The following ESR1 variants were observed in gnomAD, a reference collection of about 807,000 sequenced individuals.
ESR1 encodes estrogen receptor 1.
Under a neutral mutation model 52.7 loss-of-function variants are expected in ESR1, and 12 were observed. The ratio of observed to expected loss-of-function variants is 0.23; its 90% CI spans 0.15 to 0.37. The LOEUF (loss-of-function observed/expected upper bound fraction) is 0.37, where lower values mean the gene tolerates loss of function less well. ESR1 is among the 10% of genes least tolerant of loss of function. The pLI, the probability that ESR1 is intolerant of heterozygous loss-of-function variation, is 1.00. For synonymous variants in ESR1, 305 were observed against 316.8 expected (o/e 0.96, Z 0.39); for missense variants, 584 against 779.7 (o/e 0.75, Z 2.99).
At chr6:152,008,696 A>G (rs1184505490) in intron 4 of ESR1, among the ~76,000 whole-genome samples, 2 of 151,992 alleles carry the variant, frequency 1.3e-5, no homozygotes, top group Admixed American at 6.6e-5. Flanking sequence ...TTTGAGGTTT[A>G]TTTAGGGTGT....
At chr6:152,004,750 ATACACAGTGC>A (rs1200259039) in intron 4 of ESR1, among the ~76,000 whole-genome samples, 1 of 152,032 alleles carries the variant, frequency 6.6e-6, no homozygotes, top group Non-Finnish European at 1.5e-5. Flanking sequence ...ACATAAAGTA[ATACACAGTGC>A]TGTTATCAGA....
chr6:151,795,894 A>T (rs781677746), intron 2 of ESR1, among the ~76,000 whole-genome samples: 12 of 152,266 alleles, frequency 7.9e-5, no homozygotes, highest in South Asian at 2.1e-4. Context: ...TCACGCCTGT[A>T]ATCCAGCACT....
intron 3 of ESR1, among the ~76,000 whole-genome samples, chr6:151,913,780 T>A (rs949505385): frequency 2.6e-5 from 4 of 152,216 alleles, no homozygotes; most frequent in Non-Finnish European, 5.9e-5. Context: ...TCAGATCTTT[T>A]TTTTAATGTA....
At chr6:152,107,147 T>C (rs995181537), downstream of ESR1, among the ~76,000 whole-genome samples, 1 of 152,198 alleles carries the variant, frequency 6.6e-6, no homozygotes, top group Admixed American at 6.5e-5. Context: ...TCATCAAACT[T>C]GGGAAGTTTT....
intron 2 of ESR1, among the ~76,000 whole-genome samples, chr6:151,714,992 A>G (rs969830904): frequency 2.0e-5 from 3 of 152,004 alleles, no homozygotes; most frequent in Non-Finnish European, 4.4e-5. Context: ...ACCTTTCCAT[A>G]TTTAGTGTTT....
intron 2 of ESR1, among the ~76,000 whole-genome samples, chr6:151,851,183 T>C (rs1786630879): frequency 6.6e-6 from 1 of 152,194 alleles, no homozygotes; most frequent in South Asian, 2.1e-4. Context: ...CTTGTTCTTC[T>C]ACAAATATGA....
intron 2 of ESR1, among the ~76,000 whole-genome samples, chr6:151,736,141 C>T (rs1562366499): frequency 6.6e-6 from 1 of 152,126 alleles, no homozygotes; most frequent in African/African-American, 2.4e-5. Context: ...GGCTCTTTAC[C>T]TTTTTAAACT....
intron 3 of ESR1, among the ~76,000 whole-genome samples, chr6:151,928,541 T>C (rs2033106941): frequency 6.6e-6 from 1 of 152,160 alleles, no homozygotes; most frequent in Admixed American, 6.5e-5. Flanking sequence ...AAAAAAATAA[T>C]AAATCAAACC....
intron 5 of ESR1, among the ~76,000 whole-genome samples, chr6:152,050,876 A>G (rs1344242230): frequency 1.3e-5 from 2 of 152,228 alleles, no homozygotes; most frequent in Non-Finnish European, 2.9e-5. Flanking sequence ...CAGCTGTTTA[A>G]TATTGTCAAT....
intron 2 of ESR1, among the ~76,000 whole-genome samples, chr6:151,878,390 T>A (rs538102392): frequency 1.3e-5 from 2 of 152,340 alleles, no homozygotes; most frequent in South Asian, 4.1e-4. Context: ...TGCTGACTAG[T>A]TTGCTGGTTT....
chr6:152,100,925 A>G lies in ESR1; in HGVS notation c.*1959A>G, dbSNP rs2050944134. The G allele has an allele frequency of 4.3e-6, 1 of 230,288 alleles. No homozygotes were observed. 14.3% of individuals were successfully genotyped at this position (230,288 alleles called of 1,614,324 possible). A position where few individuals can be genotyped will look rare whatever the true frequency, so the allele number is the denominator to read the frequency against. On this transcript the variant is annotated 3_prime_UTR_variant, in exon 8 of 8. Transcript: ENST00000206249. Reference sequence around the variant, plus strand: ...AGAAGCACCTTATATAGTATAATATATATTTTTTTGAAATTACATTGCTTG... The same window carrying G: ...AGAAGCACCTTATATAGTATAATATGTATTTTTTTGAAATTACATTGCTTG...
chr6:152,012,858 T>C (rs1446090724), intron 5 of ESR1, among the ~76,000 whole-genome samples: 18 of 152,222 alleles, frequency 1.2e-4, no homozygotes, highest in Admixed American at 1.2e-3. Context: ...CATCTCTGCA[T>C]GGTACTTTAC....
intron 3 of ESR1, among the ~76,000 whole-genome samples, chr6:151,928,347 T>C (rs1197530604): frequency 6.6e-6 from 1 of 152,114 alleles, no homozygotes; most frequent in East Asian, 1.9e-4. Flanking sequence ...AAACACACTA[T>C]AGAGTATTGA....
intron 2 of ESR1, among the ~76,000 whole-genome samples, chr6:151,772,342 A>G (rs1222600162): frequency 2.0e-5 from 3 of 152,182 alleles, no homozygotes; most frequent in Non-Finnish European, 4.4e-5. Context: ...TCTTGATTAC[A>G]CCATAAAACA....
At chr6:151,790,389 A>G (rs1776037506) in intron 2 of ESR1, among the ~76,000 whole-genome samples, 1 of 152,166 alleles carries the variant, frequency 6.6e-6, no homozygotes. Flanking sequence ...GACATGAATC[A>G]ATACTTCCAA....
intron 4 of ESR1, among the ~76,000 whole-genome samples, chr6:151,974,825 G>A (rs920495740): frequency 3.3e-5 from 5 of 152,152 alleles, no homozygotes; most frequent in South Asian, 2.1e-4. Context: ...CCCCAAAGCC[G>A]TCTTCACTAT....
chr6:152,003,422 A>G (rs1462339432), intron 4 of ESR1, among the ~76,000 whole-genome samples: 1 of 151,624 alleles, frequency 6.6e-6, no homozygotes, highest in Non-Finnish European at 1.5e-5. Flanking sequence ...TACTTTGCAA[A>G]GTCTCCTATG....
intron 2 of ESR1, among the ~76,000 whole-genome samples, chr6:151,863,136 C>T (rs564136716): frequency 2.7e-4 from 41 of 152,146 alleles, no homozygotes; most frequent in East Asian, 1.7e-3. Flanking sequence ...CTTGGCAATG[C>T]GGGCTCTTTT....
chr6:151,657,428 T>C (rs1777493293), intron 1 of ESR1, among the ~76,000 whole-genome samples: 1 of 152,184 alleles, frequency 6.6e-6, no homozygotes, highest in Admixed American at 6.5e-5. Context: ...TTCACAGTTG[T>C]TCACACTTTG....
Sources: allele counts gnomAD v4.1 joint callset (sites outside exome capture counted in the v4.1 genomes callset), GRCh38; gene constraint gnomAD v4.1.1; transcripts MANE v1.5; gene names NCBI Gene and HGNC (gene_info 2026-07-23, HGNC 2026-07-21).